LRCH2: variants seen among roughly 807,000 people sequenced by gnomAD.
LRCH2 encodes the protein leucine rich repeats and calponin homology domain containing 2.
A neutral mutation model predicts 68.9 loss-of-function variants in LRCH2; 38 were observed. The observed-to-expected ratio is 0.55, with a 90% confidence interval of 0.43 to 0.72. The LOEUF is 0.72. Ranked by LOEUF, LRCH2 falls within the 30% of genes least tolerant of loss-of-function variation. The pLI is 0.00. For missense variants in LRCH2, 528 were observed against 572.9 expected (o/e 0.92, Z 0.80); for synonymous variants, 191 against 208.1 (o/e 0.92, Z 0.71).
intron 6 of LRCH2, among the ~76,000 whole-genome samples, chrX:115,169,121 C>T (rs2072586443): frequency 8.9e-6 from 1 of 112,091 alleles, no homozygotes; most frequent in Non-Finnish European, 1.9e-5. Context: ...CCTGACGACA[C>T]TCTTGAAATA....
chrX:115,174,599 C>CA lies in LRCH2; in HGVS notation c.865-4168_865-4167insT, dbSNP rs782302855. Among the ~76,000 whole-genome samples, 755 of 95,339 alleles carry CA rather than the reference C, an allele frequency of 7.9e-3. 9 individuals carry two copies. Among genetic ancestry groups the CA allele is most frequent in the African/African-American group, 0.029 (709 of 24,288 alleles). 82.8% of individuals were successfully genotyped at this position (95,339 alleles called of 115,157 possible). On this transcript the variant is annotated intron_variant, in intron 5 of 20. Coordinates refer to ENST00000317135, the MANE Select transcript of LRCH2 (RefSeq NM_020871.4). ...TCATTACACACAAACACACCCCCCC[C>CA]CCCACACACACACACACACTATATT...
intron 1 of LRCH2, among the ~76,000 whole-genome samples, chrX:115,193,944 G>A: frequency 9.0e-6 from 1 of 111,362 alleles, no homozygotes; most frequent in Non-Finnish European, 1.9e-5. Flanking sequence ...AGAAAATTTT[G>A]TGCCTCTGTC....
intron 20 of LRCH2, among the ~76,000 whole-genome samples, chrX:115,114,006 T>C (rs2072062473): frequency 9.0e-6 from 1 of 111,269 alleles, no homozygotes; most frequent in Non-Finnish European, 1.9e-5. Context: ...TCCATACCGA[T>C]GGCTTCCAAG....
intron 11 of LRCH2, 116 bp from the exon 12 acceptor site, chrX:115,156,783 T>C (rs781954155): frequency 2.5e-6 from 1 of 402,573 alleles, no homozygotes; most frequent in Admixed American, 5.5e-5. Context: ...TGCTAGAAAA[T>C]AATATTTAAA....
chrX:115,135,318 C>T (rs1164913683), intron 14 of LRCH2, among the ~76,000 whole-genome samples: 2 of 107,705 alleles, frequency 1.9e-5, no homozygotes, highest in Non-Finnish European at 3.8e-5. Context: ...TTTGTAGAGA[C>T]GGGGTTTTGC....
intron 1 of LRCH2, chrX:115,191,028 C>A (rs1257782527): frequency 1.7e-6 from 2 of 1,165,687 alleles, no homozygotes; most frequent in Non-Finnish European, 1.1e-6. Context: ...CACCCGACAC[C>A]CACAGTGGGG....
At chrX:115,199,644 T>C (rs2072916197) in intron 1 of LRCH2, among the ~76,000 whole-genome samples, 1 of 111,991 alleles carries the variant, frequency 8.9e-6, no homozygotes, top group Non-Finnish European at 1.9e-5. Context: ...AGCACCCAGA[T>C]CCATAAAACA....
chrX:115,215,637 T>C (rs2073036246), intron 1 of LRCH2, among the ~76,000 whole-genome samples: 1 of 108,281 alleles, frequency 9.2e-6, no homozygotes, highest in African/African-American at 3.4e-5. Flanking sequence ...GCCGTGTGCC[T>C]GTAGTCCCAG....
intron 20 of LRCH2, among the ~76,000 whole-genome samples, chrX:115,121,078 G>A (rs1483156527): frequency 1.9e-4 from 21 of 107,804 alleles, no homozygotes; most frequent in African/African-American, 5.1e-4. Context: ...GCTAGATGAC[G>A]AGTTAGTGGG....
At chrX:115,212,325 C>T (rs934947856) in intron 1 of LRCH2, among the ~76,000 whole-genome samples, 13 of 112,026 alleles carry the variant, frequency 1.2e-4, no homozygotes, top group African/African-American at 3.9e-4. Context: ...GGAACCTGAG[C>T]TGAGGGAACC....
chrX:115,140,707 C>A (rs2072329625), intron 14 of LRCH2, among the ~76,000 whole-genome samples: 1 of 111,389 alleles, frequency 9.0e-6, no homozygotes, highest in East Asian at 2.8e-4. Context: ...GCTAGCAGAA[C>A]CTCCCATGGG....
At chrX:115,167,191 TA>T (rs58298502) in intron 6 of LRCH2, among the ~76,000 whole-genome samples, 6 of 8,394 alleles carry the variant, frequency 7.1e-4, no homozygotes, top group African/African-American at 9.4e-4. Flanking sequence ...AGTTTCATGC[TA>T]AAAAAAAAAA....
chrX:115,226,018 C>T (rs2073116649), intron 1 of LRCH2, among the ~76,000 whole-genome samples: 1 of 111,998 alleles, frequency 8.9e-6, no homozygotes, highest in African/African-American at 3.2e-5. Context: ...GGTTTGAACA[C>T]TGACATACTA....
At chrX:115,231,517 A>T (rs1327083393) in intron 1 of LRCH2, among the ~76,000 whole-genome samples, 1 of 112,137 alleles carries the variant, frequency 8.9e-6, no homozygotes, top group African/African-American at 3.2e-5. Context: ...TTAAATGAAA[A>T]AAAAGAGCAG....
At chrX:115,134,790 G>C (rs1029699045) in intron 14 of LRCH2, among the ~76,000 whole-genome samples, 8 of 97,549 alleles carry the variant, frequency 8.2e-5, no homozygotes, top group Non-Finnish European at 1.4e-4. Context: ...GCAGTGCATG[G>C]ATCAAGGAGT....
intron 5 of LRCH2, among the ~76,000 whole-genome samples, chrX:115,173,976 CAT>C (rs782678389): frequency 1.4e-3 from 157 of 112,255 alleles, no homozygotes; most frequent in Non-Finnish European, 2.2e-3. Flanking sequence ...TAACATATAA[CAT>C]ATAAAATATG....
In LRCH2 at chrX:115,182,750, T is replaced by C. The variant is rs782669442; in HGVS notation, c.621+1661A>G. Among the ~76,000 whole-genome samples, 593 of 105,796 alleles carry C rather than the reference T, an allele frequency of 5.6e-3. 2 individuals carry two copies. Among genetic ancestry groups the C allele is most frequent in the Non-Finnish European group, 0.01 (523 of 51,680 alleles). The allele number at this position is 105,796 out of a possible 115,157, so 91.9% of individuals were successfully genotyped here. ...CGGGAGGCTGAGGCAGGAGAATTGC[T>C]TGAACTCAGAGGGTGGAGGTTGCAG... is the stretch of plus-strand genomic sequence containing the variant. On this transcript the variant is annotated intron_variant, in intron 3 of 20. Coordinates refer to ENST00000317135, the MANE Select transcript of LRCH2 (RefSeq NM_020871.4).
At chrX:115,224,187 T>C (rs782462289) in intron 1 of LRCH2, among the ~76,000 whole-genome samples, 1 of 111,369 alleles carries the variant, frequency 9.0e-6, no homozygotes, top group East Asian at 2.8e-4. Context: ...AGAAAATAGA[T>C]GAATGGTTGC....
chrX:115,197,847 T>TCTCTCTCTCTCTCTCTCTCACACACA (rs782358260), intron 1 of LRCH2, among the ~76,000 whole-genome samples: 4 of 20,565 alleles, frequency 1.9e-4, no homozygotes, highest in African/African-American at 7.7e-4. Context: ...TCTCTCTCTC[T>TCTCTCTCTCTCTCTCTCTCACACACA]CACACACACA....
Sources: allele counts gnomAD v4.1 joint callset (sites outside exome capture counted in the v4.1 genomes callset), GRCh38; gene constraint gnomAD v4.1.1; transcripts MANE v1.5; gene names NCBI Gene and HGNC (gene_info 2026-07-23, HGNC 2026-07-21).